KSR1: variants seen among roughly 807,000 people sequenced by gnomAD.
The protein encoded by KSR1 is kinase suppressor of ras.
A neutral mutation model predicts 92.9 loss-of-function variants in KSR1; 35 were observed. The ratio of observed to expected loss-of-function variants is 0.38; its 90% CI spans 0.29 to 0.50. The LOEUF (loss-of-function observed/expected upper bound fraction) is 0.50. KSR1 is among the 20% of genes least tolerant of loss of function. KSR1 has a pLI of 0.94. For missense variants in KSR1, 972 were observed against 1,158.5 expected, an observed-to-expected ratio of 0.84 and a Z score of 2.34; for synonymous variants, 467 against 472.6, an observed-to-expected ratio of 0.99 and a Z score of 0.15.
chr17:27,583,501 C>T (rs2072855323), intron 4 of KSR1, among the ~76,000 whole-genome samples: 1 of 152,262 alleles, frequency 6.6e-6, no homozygotes, highest in African/African-American at 2.4e-5. Flanking sequence ...GCCACGGTGG[C>T]AGAGGGAGAA....
In KSR1 at chr17:27,617,345, C is replaced by A; in HGVS notation, c.2544C>A (p.Phe848Leu). The A allele has an allele frequency of 6.2e-7, 1 of 1,612,610 alleles. No individual in the cohort carries two copies. The highest frequency in any genetic ancestry group is 8.5e-7 in the Non-Finnish European group (1 of 1,179,240). Residue 848 changes from phenylalanine to leucine, a missense_variant, in exon 19 of 21, where the codon TTC becomes TTA. Physicochemically the swap from Phe to Leu is conservative, Grantham distance 22 (BLOSUM62 0). Coordinates refer to ENST00000644974, the MANE Select transcript of KSR1 (RefSeq NM_001394583.1). ...WAFDLQERPS[F>L]SLLMDMLEKL... ...TCGACCTGCAGGAGAGACCCAGCTT[C>A]AGCCTGCTGATGGACATGCTGGAGA...
At chr17:27,585,031 G>T (rs999077048) in intron 4 of KSR1, among the ~76,000 whole-genome samples, 10 of 152,208 alleles carry the variant, frequency 6.6e-5, no homozygotes, top group Admixed American at 4.6e-4. Context: ...CCACCTCCCG[G>T]ATTCAAGCGA....
At chr17:27,582,610 C>T (rs769256710) in intron 3 of KSR1, 36 bp from the exon 4 acceptor site, 30 of 1,563,998 alleles carry the variant, frequency 1.9e-5, no homozygotes, top group Admixed American at 1.0e-4. Flanking sequence ...TTCCTTCCAG[C>T]CCTGACCATC....
chr17:27,619,869 C>A (rs1052029250), intron 19 of KSR1, among the ~76,000 whole-genome samples: 4 of 152,182 alleles, frequency 2.6e-5, no homozygotes, highest in African/African-American at 9.7e-5. Flanking sequence ...CCTGCCACCA[C>A]ACCTGGCTAA....
rs771661198 is a variant in KSR1, at chr17:27,588,530, G to T, written c.1041G>T (p.Thr347=). Reference sequence around the variant, plus strand: ...GGAGGGATATCGGGCTGTCGGTGACGCACAGGTAGGCACAGCGGGCCTGGA... The same window carrying T: ...GGAGGGATATCGGGCTGTCGGTGACTCACAGGTAGGCACAGCGGGCCTGGA... ...MVRRDIGLSV[T]HRFSTKSWLS... The change falls in exon 6 of 21, where the codon ACG becomes ACT. Residue 347 remains threonine (T), a synonymous_variant. Coordinates refer to ENST00000644974, the MANE Select transcript of KSR1 (RefSeq NM_001394583.1). 4 of 1,590,356 alleles carry T rather than the reference G, an allele frequency of 2.5e-6. No individual in the cohort carries two copies. The African/African-American group carries it at 5.4e-5, about 21-fold the overall frequency.
At chr17:27,464,255 T>A (rs1018578422) in intron 1 of KSR1, among the ~76,000 whole-genome samples, 1 of 152,162 alleles carries the variant, frequency 6.6e-6, no homozygotes, top group Non-Finnish European at 1.5e-5. Context: ...GAGCGCCATC[T>A]GGGGTATGTC....
chr17:27,604,214 T>C (rs1031240926), intron 12 of KSR1, among the ~76,000 whole-genome samples: 1 of 152,188 alleles, frequency 6.6e-6, no homozygotes, highest in Non-Finnish European at 1.5e-5. Flanking sequence ...GCTGAGCACT[T>C]GACTCACATT....
chr17:27,497,383 G>C (rs188783460), intron 1 of KSR1, among the ~76,000 whole-genome samples: 1 of 152,286 alleles, frequency 6.6e-6, no homozygotes, highest in East Asian at 1.9e-4. Context: ...AAATGTCCTG[G>C]GACAAGGATG....
intron 1 of KSR1, among the ~76,000 whole-genome samples, chr17:27,477,401 C>T (rs748446404): frequency 6.6e-6 from 1 of 152,168 alleles, no homozygotes; most frequent in African/African-American, 2.4e-5. Context: ...ACCAGAGTTT[C>T]GTTCTTACCT....
chr17:27,508,823 G>A (rs758066989), intron 1 of KSR1, among the ~76,000 whole-genome samples: 9 of 151,794 alleles, frequency 5.9e-5, no homozygotes, highest in South Asian at 2.1e-4. Context: ...TCCACCTCCC[G>A]GGTTCAAGTG....
At chr17:27,485,954 G>A (rs1408218226) in intron 1 of KSR1, among the ~76,000 whole-genome samples, 1 of 152,202 alleles carries the variant, frequency 6.6e-6, no homozygotes, top group Non-Finnish European at 1.5e-5. Context: ...AATTCATAGT[G>A]AGTGTTCTCC....
chr17:27,496,316 G>A (rs1427363454), intron 1 of KSR1, among the ~76,000 whole-genome samples: 1 of 152,132 alleles, frequency 6.6e-6, no homozygotes, highest in Non-Finnish European at 1.5e-5. Flanking sequence ...ATAAGATGGG[G>A]GCAAGGGAGG....
intron 10 of KSR1, among the ~76,000 whole-genome samples, chr17:27,598,044 A>G (rs1187219872): frequency 2.0e-5 from 3 of 152,106 alleles, no homozygotes; most frequent in Admixed American, 2.0e-4. Context: ...ACCCCAGCCC[A>G]CTGCCTGGTG....
intron 2 of KSR1, among the ~76,000 whole-genome samples, chr17:27,576,263 A>G (rs1360837120): frequency 1.3e-5 from 2 of 152,188 alleles, no homozygotes; most frequent in African/African-American, 4.8e-5. Context: ...TGTAGGGGAT[A>G]TGTTCCAGGA....
chr17:27,603,577 TC>T (rs2073642086), intron 11 of KSR1, among the ~76,000 whole-genome samples: 1 of 151,768 alleles, frequency 6.6e-6, no homozygotes, highest in Non-Finnish European at 1.5e-5. Flanking sequence ...CCTGCCCAGA[TC>T]CCCTGCCCAG....
At position 27,625,742 on chromosome 17, in the gene KSR1, A is replaced by G. The variant is rs1458973070; in HGVS notation, c.*2350A>G. On this transcript the variant is annotated 3_prime_UTR_variant, in exon 21 of 21. Transcript: ENST00000644974. ...TACTGTGAATTCAGCCCTCACGGCC[A>G]ACTGTGAAGGGGATGGAGAAGGCTG... is the stretch of plus-strand genomic sequence containing the variant. 6.6e-6 allele frequency: 1 copy of G among 152,154 alleles called. No individual in the cohort carries two copies. Among genetic ancestry groups the G allele is most frequent in the Non-Finnish European group, 1.5e-5 (1 of 68,038 alleles). The allele number at this position is 152,154 out of a possible 1,614,324, so 9.4% of individuals were successfully genotyped here.
chr17:27,580,536 G>A (rs2072709624), intron 3 of KSR1, among the ~76,000 whole-genome samples: 1 of 152,182 alleles, frequency 6.6e-6, no homozygotes, highest in Non-Finnish European at 1.5e-5. Flanking sequence ...AGGTTATTCA[G>A]AATCAGTAGC....
At chr17:27,560,449 C>T (rs372807013) in intron 2 of KSR1, 28 of 518,904 alleles carry the variant, frequency 5.4e-5, no homozygotes, top group African/African-American at 1.2e-4. Flanking sequence ...AAGATGCAGG[C>T]GGATCTGGTA....
At chr17:27,615,245 T>G (rs1038144514) in intron 18 of KSR1, among the ~76,000 whole-genome samples, 5 of 152,238 alleles carry the variant, frequency 3.3e-5, no homozygotes, top group Admixed American at 2.0e-4. Context: ...TTGCCATGAT[T>G]AAATCTTCCA....
Sources: gnomAD v4.1 joint callset for allele counts (sites outside exome capture counted in the v4.1 genomes callset) on GRCh38, gnomAD v4.1.1 for gene constraint, MANE v1.5 for transcripts, NCBI Gene and HGNC (gene_info 2026-07-23, HGNC 2026-07-21) for gene names.